Variants in GALNTL6 observed in about 807,000 individuals in gnomAD.
GALNTL6 encodes the protein polypeptide N-acetylgalactosaminyltransferase like 6.
A neutral mutation model predicts 73.7 loss-of-function variants in GALNTL6; 46 were observed. That is an observed-to-expected ratio of 0.62 (90% confidence interval 0.49 to 0.80). The LOEUF (loss-of-function observed/expected upper bound fraction) is 0.80. Among genes scored for constraint, GALNTL6 ranks in the 30% least tolerant of loss-of-function variants. The pLI is 0.00. For missense variants in GALNTL6, 604 were observed against 755.0 expected, an observed-to-expected ratio of 0.80 and a Z score of 2.34; for synonymous variants, 259 against 263.7, an observed-to-expected ratio of 0.98 and a Z score of 0.17.
intron 2 of GALNTL6, among the ~76,000 whole-genome samples, chr4:171,879,366 CT>C (rs1333401299): frequency 1.3e-5 from 2 of 152,004 alleles, no homozygotes; most frequent in Non-Finnish European, 2.9e-5. Context: ...TACTATTGTG[CT>C]TTTTTTCTAC....
chr4:172,333,310 C>T (rs1741196117), intron 4 of GALNTL6, among the ~76,000 whole-genome samples: 1 of 152,082 alleles, frequency 6.6e-6, no homozygotes, highest in Non-Finnish European at 1.5e-5. Context: ...GAGGCTGAGG[C>T]AGAGGAATCG....
At chr4:171,815,751 A>G (rs1734508899) in intron 2 of GALNTL6, among the ~76,000 whole-genome samples, 1 of 152,204 alleles carries the variant, frequency 6.6e-6, no homozygotes, top group Non-Finnish European at 1.5e-5. Context: ...AAACAGCAAT[A>G]TATAGTAATG....
intron 5 of GALNTL6, among the ~76,000 whole-genome samples, chr4:172,759,799 CTTTTTTTTTTTTTTTTTTTTTTTTTT>C (rs764391767): frequency 3.4e-5 from 3 of 87,706 alleles, no homozygotes; most frequent in African/African-American, 1.7e-4. Flanking sequence ...TATTTATAGT[CTTTTTTTTTTTTTTTTTTTTTTTTTT>C]TTTTTTTTTT....
chr4:173,031,656 A>C (rs986866468), intron 12 of GALNTL6, among the ~76,000 whole-genome samples: 2 of 152,186 alleles, frequency 1.3e-5, no homozygotes, highest in Non-Finnish European at 2.9e-5. Context: ...CTCTGGGTAG[A>C]ATACTTAGCA....
At chr4:172,221,157 T>G (rs1736662961) in intron 2 of GALNTL6, among the ~76,000 whole-genome samples, 1 of 151,818 alleles carries the variant, frequency 6.6e-6, no homozygotes. Context: ...ACTATCACCC[T>G]TGTTGTGAAA....
chr4:171,905,445 A>G (rs1353350792), intron 2 of GALNTL6, among the ~76,000 whole-genome samples: 2 of 152,052 alleles, frequency 1.3e-5, no homozygotes, highest in East Asian at 1.9e-4. Context: ...AGAGCTAACT[A>G]TCCTAAATAT....
At chr4:172,302,220 G>C (rs1739958895) in intron 3 of GALNTL6, among the ~76,000 whole-genome samples, 1 of 152,166 alleles carries the variant, frequency 6.6e-6, no homozygotes, top group African/African-American at 2.4e-5. Context: ...TGTCGGAAAA[G>C]TGCAGTATTA....
At chr4:172,543,105 G>A (rs199976553) in intron 5 of GALNTL6, among the ~76,000 whole-genome samples, 2 of 139,142 alleles carry the variant, frequency 1.4e-5, no homozygotes, top group African/African-American at 2.6e-5. Context: ...CAAAAGAAAA[G>A]GAACAGCTGT....
At chr4:172,144,111 A>G (rs1733868034) in intron 2 of GALNTL6, among the ~76,000 whole-genome samples, 1 of 152,156 alleles carries the variant, frequency 6.6e-6, no homozygotes. Context: ...AGGGGAATAC[A>G]AGCCAGTAGA....
intron 3 of GALNTL6, among the ~76,000 whole-genome samples, chr4:172,304,894 T>C (rs1165989210): frequency 6.6e-6 from 1 of 152,198 alleles, no homozygotes; most frequent in Non-Finnish European, 1.5e-5. Flanking sequence ...TGAGCTGAAA[T>C]CTCACTTTTT....
rs555986482 is a variant in GALNTL6 at position 172,177,727 on chromosome 4, A to G, written c.139-51929A>G. 8.8e-3 allele frequency among the ~76,000 whole-genome samples: 1,227 copies of G among 139,700 alleles called. 13 individuals carry two copies. Among genetic ancestry groups the G allele is most frequent in the African/African-American group, 0.035 (1,129 of 32,688 alleles). 91.6% of individuals were successfully genotyped at this position (139,700 alleles called of 152,430 possible). A position where few individuals can be genotyped will look rare whatever the true frequency, so the allele number is the denominator to read the frequency against. On this transcript the variant is annotated intron_variant, in intron 2 of 12. Coordinates refer to ENST00000506823, the MANE Select transcript of GALNTL6 (RefSeq NM_001034845.3). ...ATATATGTTTACTTAGTATGTGTGT[A>G]TATATATATACACATGTGTATATAT...
At chr4:172,593,959 T>C (rs1407320034) in intron 5 of GALNTL6, among the ~76,000 whole-genome samples, 2 of 152,192 alleles carry the variant, frequency 1.3e-5, no homozygotes, top group East Asian at 3.9e-4. Flanking sequence ...TATTCCAGCT[T>C]AAGCAAGTAT....
At chr4:172,787,488 T>C (rs1321554856) in intron 5 of GALNTL6, among the ~76,000 whole-genome samples, 3 of 152,156 alleles carry the variant, frequency 2.0e-5, no homozygotes, top group Non-Finnish European at 2.9e-5. Context: ...TGCTAAAAGC[T>C]TTGAGAAAGC....
chr4:171,986,291 G>T (rs1740082468), intron 2 of GALNTL6, among the ~76,000 whole-genome samples: 3 of 151,818 alleles, frequency 2.0e-5, no homozygotes, highest in South Asian at 4.2e-4. Flanking sequence ...GTGTTCTCTG[G>T]CGGGCAGAGT....
rs540533717 is a variant in GALNTL6 at position 172,871,209 on chromosome 4, G to A, written c.924-11581G>A. ...CAACTCCTTCTGACTCCCAGCTTTT[G>A]TCCCTTCCTCTGGAGATAATAAAGA... On this transcript the variant is annotated intron_variant, in intron 7 of 12. Coordinates refer to ENST00000506823, the MANE Select transcript of GALNTL6 (RefSeq NM_001034845.3). 9.2e-5 allele frequency among the ~76,000 whole-genome samples: 14 copies of A among 152,254 alleles called. No homozygotes were observed. In the South Asian group the frequency reaches 2.9e-3, roughly 32 times the overall value.
chr4:172,499,827 T>G (rs1734198741), intron 5 of GALNTL6, among the ~76,000 whole-genome samples: 1 of 152,054 alleles, frequency 6.6e-6, no homozygotes. Flanking sequence ...ATAGAATCAG[T>G]GAACTTGAGG....
chr4:173,025,403 C>T (rs542013598), intron 12 of GALNTL6, among the ~76,000 whole-genome samples: 23 of 152,288 alleles, frequency 1.5e-4, no homozygotes, highest in African/African-American at 5.5e-4. Flanking sequence ...ACTTCCATCC[C>T]CAGTCATTGG....
chr4:172,327,702 C>A (rs756967161), intron 4 of GALNTL6, among the ~76,000 whole-genome samples: 14 of 151,890 alleles, frequency 9.2e-5, no homozygotes, highest in Admixed American at 7.2e-4. Context: ...GTCTAAAATT[C>A]GCATTGCCAC....
chr4:172,916,480 T>G (rs199969220), intron 8 of GALNTL6, among the ~76,000 whole-genome samples: 2 of 152,288 alleles, frequency 1.3e-5, no homozygotes, highest in East Asian at 3.9e-4. Flanking sequence ...GATGACATGA[T>G]TGTATATTTA....
Sources: allele counts gnomAD v4.1 joint callset (sites outside exome capture counted in the v4.1 genomes callset), GRCh38; gene constraint gnomAD v4.1.1; transcripts MANE v1.5; gene names NCBI Gene and HGNC (gene_info 2026-07-23, HGNC 2026-07-21).